The following CDH17 variants were observed in gnomAD, a reference collection of about 807,000 sequenced individuals.
The protein encoded by CDH17 is cadherin 17.
In CDH17, 67 loss-of-function variants were observed where a neutral mutation model predicts 86.3. That is an observed-to-expected ratio of 0.78 (90% confidence interval 0.64 to 0.95). The LOEUF is 0.95. Among genes scored for constraint, CDH17 ranks in the 40% least tolerant of loss-of-function variants. The pLI, the probability that CDH17 is intolerant of heterozygous loss-of-function variation, is 0.00. For missense variants in CDH17, 993 were observed against 1,017.6 expected (o/e 0.98, Z 0.33); for synonymous variants, 367 against 366.4 (o/e 1.00, Z -0.02).
intron 15 of CDH17, among the ~76,000 whole-genome samples, chr8:94,143,573 C>G (rs1226281802): frequency 6.6e-6 from 1 of 152,130 alleles, no homozygotes; most frequent in Non-Finnish European, 1.5e-5. Context: ...GCATTGTCTC[C>G]CAAAAGAAGG....
chr8:94,158,836 C>T (rs536773464), intron 12 of CDH17, among the ~76,000 whole-genome samples: 3 of 152,316 alleles, frequency 2.0e-5, no homozygotes, highest in Non-Finnish European at 2.9e-5. Context: ...TGCTTCAGCA[C>T]TAGTGCTTTT....
chr8:94,156,816 T>C (rs1463978932), intron 12 of CDH17, among the ~76,000 whole-genome samples: 2 of 152,238 alleles, frequency 1.3e-5, no homozygotes, highest in Non-Finnish European at 2.9e-5. Flanking sequence ...GATGCTGTGT[T>C]AGGAACTATA....
At chr8:94,146,290 T>C (rs1366460852) in intron 14 of CDH17, 123 bp from the exon 15 acceptor site, 2 of 841,352 alleles carry the variant, frequency 2.4e-6, no homozygotes, top group Non-Finnish European at 3.3e-6. Flanking sequence ...GACGACAAGC[T>C]TTTAGAATCA....
At chr8:94,168,104 AT>A (rs1813192796) in intron 9 of CDH17, among the ~76,000 whole-genome samples, 1 of 4,718 alleles carries the variant, frequency 2.1e-4, no homozygotes, top group Non-Finnish European at 6.1e-4. Context: ...GGGAATATAT[AT>A]ATATATATAT....
At chr8:94,140,072 C>A (rs532310172) in intron 15 of CDH17, among the ~76,000 whole-genome samples, 1 of 152,122 alleles carries the variant, frequency 6.6e-6, no homozygotes, top group Admixed American at 6.5e-5. Context: ...AACTAAATAA[C>A]ACACTTCTAA....
chr8:94,199,390 A>C (rs1234311208), intron 1 of CDH17, among the ~76,000 whole-genome samples: 1 of 152,066 alleles, frequency 6.6e-6, no homozygotes, highest in Non-Finnish European at 1.5e-5. Flanking sequence ...TTCTCCTTTG[A>C]ATACACTAAC....
chr8:94,165,723 C>T, intron 10 of CDH17, 38 bp downstream of exon 10: 2 of 1,349,026 alleles, frequency 1.5e-6, no homozygotes, highest in Non-Finnish European at 2.1e-6. Context: ...AGAAGGAAAA[C>T]AATGATTTGC....
intron 1 of CDH17, among the ~76,000 whole-genome samples, chr8:94,199,900 C>T (rs919393929): frequency 1.3e-5 from 2 of 152,104 alleles, no homozygotes; most frequent in East Asian, 1.9e-4. Flanking sequence ...AGAGATTCAG[C>T]GAGTTAATAT....
Position 94,204,608 on chromosome 8 carries a change from C to T in CDH17, c.-21+3875G>A, listed in dbSNP as rs374451107. On this transcript the variant is annotated intron_variant, in intron 1 of 17. Coordinates refer to ENST00000027335, the MANE Select transcript of CDH17 (RefSeq NM_004063.4). Reference sequence around the variant, plus strand: ...TGTAAATAGTGCTGCAATAAACACACGTGTACATGTGTCTTTATAGTAGAA... The same window carrying T: ...TGTAAATAGTGCTGCAATAAACACATGTGTACATGTGTCTTTATAGTAGAA... 1.9e-3 allele frequency among the ~76,000 whole-genome samples: 295 copies of T among 152,250 alleles called. 4 individuals are homozygous for T. Among genetic ancestry groups the T allele is most frequent in the South Asian group, 0.017 (80 of 4,820 alleles).
At chr8:94,216,412 A>G (rs1240862551) in intron 1 of CDH17, among the ~76,000 whole-genome samples, 3 of 152,174 alleles carry the variant, frequency 2.0e-5, no homozygotes, top group Admixed American at 6.5e-5. Context: ...AATGAGCCTC[A>G]GCCAGCGTCA....
Position 94,152,032 on chromosome 8 carries a change from C to G in CDH17, c.1632G>C (p.Lys544Asn). The G allele has an allele frequency of 6.2e-7, 1 of 1,614,174 alleles. No homozygotes were observed. The highest frequency in any genetic ancestry group is 1.1e-5 in the South Asian group (1 of 91,084). ...ENPEPLVFGV[K>N]YNASSFAKFT... ...ACTTGGCAAAAGAACTTGCATTGTACTTCACACCAAACACTAGAGGCTCAG... is the reference window on the plus strand; with the variant it reads ...ACTTGGCAAAAGAACTTGCATTGTAGTTCACACCAAACACTAGAGGCTCAG... Residue 544 changes from lysine to asparagine, a missense_variant, in exon 13 of 18, where the codon AAG becomes AAC. Lys to Asn is a moderately conservative substitution (Grantham distance 94). Coordinates refer to ENST00000027335, the MANE Select transcript of CDH17 (RefSeq NM_004063.4).
chr8:94,182,494 A>G (rs915120154), intron 3 of CDH17, among the ~76,000 whole-genome samples: 2 of 152,150 alleles, frequency 1.3e-5, no homozygotes, highest in Non-Finnish European at 2.9e-5. Context: ...GTAGTATCCC[A>G]TATTGATAGA....
intron 1 of CDH17, among the ~76,000 whole-genome samples, chr8:94,204,753 T>A (rs565097852): frequency 1.3e-5 from 2 of 152,268 alleles, no homozygotes; most frequent in African/African-American, 4.8e-5. Context: ...TTGTTCCTGG[T>A]TGGCGTTTGT....
At chr8:94,135,602 T>A (rs1464749058) in intron 15 of CDH17, among the ~76,000 whole-genome samples, 2 of 152,226 alleles carry the variant, frequency 1.3e-5, no homozygotes, top group Non-Finnish European at 2.9e-5. Context: ...CTTGACTCTT[T>A]ATCCAATTTG....
intron 15 of CDH17, among the ~76,000 whole-genome samples, chr8:94,133,243 A>G (rs1812455109): frequency 6.6e-6 from 1 of 152,064 alleles, no homozygotes; most frequent in African/African-American, 2.4e-5. Flanking sequence ...GAATCTATGA[A>G]TTACCTTGGG....
chr8:94,165,137 C>G (rs1410693122), intron 10 of CDH17, among the ~76,000 whole-genome samples: 1 of 152,190 alleles, frequency 6.6e-6, no homozygotes, highest in Non-Finnish European at 1.5e-5. Flanking sequence ...CAGAATGTGC[C>G]TGGCAGACCT....
intron 3 of CDH17, among the ~76,000 whole-genome samples, chr8:94,186,026 A>T (rs910549641): frequency 7.9e-5 from 12 of 151,964 alleles, no homozygotes; most frequent in African/African-American, 2.7e-4. Context: ...GGCTTCATTT[A>T]TCACTCAGCT....
At chr8:94,144,248 C>T (rs2514797) in intron 15 of CDH17, among the ~76,000 whole-genome samples, 124,785 of 152,164 alleles carry the variant, frequency 0.82, 51,329 homozygotes, top group African/African-American at 0.85. Context: ...CGACGTCGCA[C>T]TGACAGATTA....
At chr8:94,160,687 G>T in intron 11 of CDH17, among the ~76,000 whole-genome samples, 1 of 152,158 alleles carries the variant, frequency 6.6e-6, no homozygotes, top group Non-Finnish European at 1.5e-5. Flanking sequence ...GTCCAATGGA[G>T]ACAATAGTAA....
Sources: gnomAD v4.1 joint callset for allele counts (sites outside exome capture counted in the v4.1 genomes callset) on GRCh38, gnomAD v4.1.1 for gene constraint, MANE v1.5 for transcripts, NCBI Gene and HGNC (gene_info 2026-07-23, HGNC 2026-07-21) for gene names.